GRM5: variants seen among roughly 807,000 people sequenced by gnomAD.
GRM5 encodes the protein metabotropic glutamate receptor 5.
GRM5 carries 19 observed loss-of-function variants against 83.1 expected under a neutral mutation model. The ratio of observed to expected loss-of-function variants is 0.23; its 90% CI spans 0.16 to 0.34. GRM5 has a LOEUF of 0.34. Ranked by LOEUF, GRM5 falls within the 10% of genes least tolerant of loss-of-function variation. The pLI is 1.00. For synonymous variants in GRM5, 675 were observed against 633.6 expected (o/e 1.07, Z -0.98); for missense variants, 1,160 against 1,588.3 (o/e 0.73, Z 4.58).
Position 88,567,139 on chromosome 11 carries a change from C to G in GRM5, c.2544G>C (p.Gly848=), listed in dbSNP as rs768403189. 8.1e-6 allele frequency: 13 copies of G among 1,613,960 alleles called. No homozygotes were observed. The highest frequency in any genetic ancestry group is 2.2e-5 in the South Asian group (2 of 91,080). Residue 848 remains glycine (G), a synonymous_variant, in exon 8 of 10, where the codon GGG becomes GGC. Transcript: ENST00000305447. This position sits in a 1 kb window ranked among gnomAD's most constrained non-coding sequence, Gnocchi z 7.3. ...TTSTVVRMHV[G]DGKSSSAASR... The stretch of plus-strand genomic sequence containing the variant: ...TGGCTGCGGAGGATGACTTGCCATC[C>G]CCTACATGCATGCGCACCACGGTAG...
At chr11:88,562,444 A>C (rs1409361747) in intron 8 of GRM5, among the ~76,000 whole-genome samples, 1 of 152,122 alleles carries the variant, frequency 6.6e-6, no homozygotes, top group Non-Finnish European at 1.5e-5. Flanking sequence ...CCATCTGAAA[A>C]ATGGGAGGAT....
At chr11:88,819,112 G>A (rs780993827) in intron 3 of GRM5, among the ~76,000 whole-genome samples, 1 of 152,142 alleles carries the variant, frequency 6.6e-6, no homozygotes, top group South Asian at 2.1e-4. Context: ...TAACAAGAAT[G>A]CTTCCAAAGA....
chr11:88,988,692 T>C (rs889399617), intron 2 of GRM5, among the ~76,000 whole-genome samples: 2 of 150,190 alleles, frequency 1.3e-5, no homozygotes, highest in African/African-American at 2.5e-5. Flanking sequence ...CAGAAGAGAG[T>C]GGAGGCCAAT....
chr11:88,509,235 G>T lies in GRM5; in HGVS notation c.2996C>A (p.Ala999Glu). 2 of 1,502,230 alleles carry T rather than the reference G, an allele frequency of 1.3e-6. No individual in the cohort carries two copies. Among genetic ancestry groups the T allele is most frequent in the Non-Finnish European group, 1.8e-6 (2 of 1,128,558 alleles). The allele number at this position is 1,502,230 out of a possible 1,614,324, so 93.1% of individuals were successfully genotyped here. Residue 999 changes from alanine (A) to glutamate (E), a missense_variant, in exon 10 of 10, where the codon GCG (alanine) becomes GAG (glutamate). Transcript: ENST00000305447. ...GPESPDAGPKALYDVAEAEEH... is the reference protein window; with the variant it reads ...GPESPDAGPKELYDVAEAEEH... ...CTCAGCCTCGGCCACATCATACAGCGCCTTGGGGCCGGCGTCTGGGGACTC... is the reference window on the plus strand; with the variant it reads ...CTCAGCCTCGGCCACATCATACAGCTCCTTGGGGCCGGCGTCTGGGGACTC...
intron 3 of GRM5, among the ~76,000 whole-genome samples, chr11:88,823,721 C>T (rs906451227): frequency 1.8e-4 from 28 of 152,102 alleles, no homozygotes; most frequent in African/African-American, 6.5e-4. Context: ...TCTAGGATCC[C>T]AACTGGAGAA....
At chr11:88,874,741 G>T (rs1419892379) in intron 2 of GRM5, among the ~76,000 whole-genome samples, 1 of 151,902 alleles carries the variant, frequency 6.6e-6, no homozygotes, top group Non-Finnish European at 1.5e-5. Context: ...GGGAAATATT[G>T]CTGTTTTGAT....
chr11:88,504,951 A>G lies in GRM5; in HGVS notation c.*3641T>C, dbSNP rs561683760. Reference sequence around the variant, plus strand: ...GGCACCATCTTTCTAAAACATCTATAATCTATATAGATTTCTAATTACAAC... The same window carrying G: ...GGCACCATCTTTCTAAAACATCTATGATCTATATAGATTTCTAATTACAAC... On this transcript the variant is annotated 3_prime_UTR_variant, in exon 10 of 10. Coordinates refer to ENST00000305447, the MANE Select transcript of GRM5 (RefSeq NM_001143831.3). The G allele has an allele frequency of 6.6e-6, 1 of 152,300 alleles. No individual in the cohort carries two copies. The highest frequency in any genetic ancestry group is 2.4e-5 in the African/African-American group (1 of 41,574). The allele number at this position is 152,300 out of a possible 1,614,324, so 9.4% of individuals were successfully genotyped here. A position where few individuals can be genotyped will look rare whatever the true frequency, so the allele number is the denominator to read the frequency against.
At chr11:88,876,157 TA>T (rs1466601223) in intron 2 of GRM5, among the ~76,000 whole-genome samples, 4 of 152,142 alleles carry the variant, frequency 2.6e-5, no homozygotes, top group Non-Finnish European at 4.4e-5. Context: ...TAACCACCTT[TA>T]TCAATTATCT....
At chr11:88,839,865 T>C (rs1223063498) in intron 3 of GRM5, among the ~76,000 whole-genome samples, 5 of 142,800 alleles carry the variant, frequency 3.5e-5, no homozygotes, top group African/African-American at 1.2e-4. Flanking sequence ...ATGCATTATA[T>C]ACTGTATTCT....
At chr11:88,890,569 T>TA (rs1394351186) in intron 2 of GRM5, among the ~76,000 whole-genome samples, 1 of 152,158 alleles carries the variant, frequency 6.6e-6, no homozygotes, top group African/African-American at 2.4e-5. Context: ...TTTTAAGAAA[T>TA]AAAAATAATC....
chr11:88,796,821 G>T (rs1192021381), intron 3 of GRM5, among the ~76,000 whole-genome samples: 2 of 151,778 alleles, frequency 1.3e-5, no homozygotes, highest in Non-Finnish European at 2.9e-5. Flanking sequence ...TTGTTCTCTA[G>T]GGAAGATGTG....
chr11:88,834,586 G>T (rs11021525), intron 3 of GRM5, among the ~76,000 whole-genome samples: 27 of 130,358 alleles, frequency 2.1e-4, no homozygotes, highest in Non-Finnish European at 3.3e-4. Flanking sequence ...ACCTACGAAG[G>T]CTTCCTTTAA....
chr11:88,932,297 A>C (rs1051934791), intron 2 of GRM5, among the ~76,000 whole-genome samples: 10 of 152,104 alleles, frequency 6.6e-5, no homozygotes, highest in African/African-American at 2.4e-4. Flanking sequence ...ATTAAAAAGA[A>C]TCTTATGTTA....
intron 3 of GRM5, among the ~76,000 whole-genome samples, chr11:88,835,304 T>C (rs1167252831): frequency 6.6e-6 from 1 of 152,146 alleles, no homozygotes; most frequent in African/African-American, 2.4e-5. Flanking sequence ...GTAAGCTAGA[T>C]ATGTTCAGAG....
At chr11:88,899,556 G>C (rs1347704219) in intron 2 of GRM5, among the ~76,000 whole-genome samples, 2 of 151,828 alleles carry the variant, frequency 1.3e-5, no homozygotes, top group Admixed American at 6.6e-5. Flanking sequence ...TAACTACAGA[G>C]GAAATGGACT....
chr11:88,624,328 T>C (rs1464834979), intron 4 of GRM5, among the ~76,000 whole-genome samples: 1 of 152,190 alleles, frequency 6.6e-6, no homozygotes, highest in African/African-American at 2.4e-5. Context: ...ATCTAGTAAT[T>C]CTGTGTAGAG....
intron 2 of GRM5, among the ~76,000 whole-genome samples, chr11:88,982,304 T>C (rs1335159743): frequency 6.6e-6 from 1 of 152,296 alleles, no homozygotes; most frequent in East Asian, 1.9e-4. Flanking sequence ...TTCATAGCCC[T>C]TACATTTATA....
chr11:88,870,401 G>A (rs892645739), intron 2 of GRM5, among the ~76,000 whole-genome samples: 1 of 151,280 alleles, frequency 6.6e-6, no homozygotes, highest in Non-Finnish European at 1.5e-5. Flanking sequence ...TGGTGTGTGA[G>A]AGAGATCCAT....
intron 9 of GRM5, 28 bp downstream of exon 9, chr11:88,525,281 C>T (rs1310903695): frequency 7.7e-7 from 1 of 1,291,768 alleles, no homozygotes; most frequent in Non-Finnish European, 1.1e-6. Flanking sequence ...TATTTCACAC[C>T]ACCTCAGGCC....
Sources: allele counts gnomAD v4.1 joint callset (sites outside exome capture counted in the v4.1 genomes callset), GRCh38; gene constraint gnomAD v4.1.1; non-coding constraint Gnocchi (gnomAD v3.1); transcripts MANE v1.5; gene names NCBI Gene and HGNC (gene_info 2026-07-23, HGNC 2026-07-21).